LRIG3: variants seen among roughly 807,000 people sequenced by gnomAD.
The protein encoded by LRIG3 is leucine rich repeats and immunoglobulin like domains 3.
In LRIG3, 76 loss-of-function variants were observed where a neutral mutation model predicts 114.5. The observed-to-expected ratio is 0.66, with a 90% CI of 0.55 to 0.80. The LOEUF is 0.80. LRIG3 is among the 30% of genes least tolerant of loss of function. The pLI, the probability that LRIG3 is intolerant of heterozygous loss-of-function variation, is 0.00. For synonymous variants in LRIG3, 512 were observed against 519.8 expected, an observed-to-expected ratio of 0.98 and a Z score of 0.20; for missense variants, 1,239 against 1,382.8, an observed-to-expected ratio of 0.90 and a Z score of 1.65.
At chr12:58,902,802 G>C (rs1158460952) in intron 3 of LRIG3, among the ~76,000 whole-genome samples, 1 of 141,070 alleles carries the variant, frequency 7.1e-6, no homozygotes, top group Admixed American at 8.0e-5. Flanking sequence ...TCCCATCTAT[G>C]AGTGAGAACA....
chr12:58,876,262 T>G (rs1187260464), intron 16 of LRIG3, among the ~76,000 whole-genome samples, 183 bp downstream of exon 16: 1 of 152,160 alleles, frequency 6.6e-6, no homozygotes, highest in East Asian at 1.9e-4. Context: ...AAACAAAGAT[T>G]TATTTCTTTC....
At chr12:58,899,559 T>C (rs1264920224) in intron 3 of LRIG3, among the ~76,000 whole-genome samples, 1 of 152,206 alleles carries the variant, frequency 6.6e-6, no homozygotes, top group Non-Finnish European at 1.5e-5. Flanking sequence ...TTTTTCATCA[T>C]GTTTTTCTGA....
chr12:58,902,527 A>G (rs1259074475), intron 3 of LRIG3, among the ~76,000 whole-genome samples: 2 of 152,158 alleles, frequency 1.3e-5, no homozygotes, highest in East Asian at 1.9e-4. Context: ...TTTAAGTATT[A>G]GAAAGCAGGT....
intron 10 of LRIG3, among the ~76,000 whole-genome samples, chr12:58,884,986 T>C (rs1294005744): frequency 6.6e-6 from 1 of 152,176 alleles, no homozygotes; most frequent in East Asian, 1.9e-4. Flanking sequence ...TTGATTCCTA[T>C]CAATGTTAGC....
At chr12:58,876,646 T>A (rs1870928948) in intron 15 of LRIG3, 43 bp from the exon 16 acceptor site, 2 of 1,607,334 alleles carry the variant, frequency 1.2e-6, no homozygotes, top group East Asian at 4.5e-5. Context: ...GGATGATCGT[T>A]AATTGTCCCA....
chr12:58,914,998 A>G (rs1381872797), intron 1 of LRIG3, among the ~76,000 whole-genome samples: 2 of 152,234 alleles, frequency 1.3e-5, no homozygotes, highest in South Asian at 2.1e-4. Flanking sequence ...ACAGATTTCA[A>G]TCATTAAAAT....
chr12:58,911,982 G>T (rs1872294442), intron 3 of LRIG3, among the ~76,000 whole-genome samples: 1 of 152,142 alleles, frequency 6.6e-6, no homozygotes, highest in South Asian at 2.1e-4. Context: ...CACATTGGAT[G>T]TATCATTATG....
At chr12:58,908,345 T>C (rs1872145903) in intron 3 of LRIG3, among the ~76,000 whole-genome samples, 1 of 152,214 alleles carries the variant, frequency 6.6e-6, no homozygotes. Context: ...TTTGTCACTG[T>C]TGTGCATTTT....
intron 18 of LRIG3, among the ~76,000 whole-genome samples, chr12:58,873,057 A>G (rs1473993399): frequency 6.6e-6 from 1 of 152,206 alleles, no homozygotes; most frequent in Non-Finnish European, 1.5e-5. Flanking sequence ...TCTATTCTTT[A>G]TCATTTCTCA....
rs111392111 is a variant in LRIG3, at chr12:58,913,554, A to G, written c.383+428T>C. ...ACCACACTTAAAACAGGATACTCCA[A>G]TGGCTTATTCTCAACTCCGGTTTCT... is the stretch of plus-strand genomic sequence containing the variant. On this transcript the variant is annotated intron_variant, in intron 3 of 18. Coordinates refer to ENST00000320743, the MANE Select transcript of LRIG3 (RefSeq NM_153377.5). The G allele has an allele frequency of 6.0e-3, 936 of 154,784 alleles. 9 individuals are homozygous for G. The highest frequency in any genetic ancestry group is 0.019 in the African/African-American group (786 of 41,604). The allele number at this position is 154,784 out of a possible 1,614,324, so 9.6% of individuals were successfully genotyped here. A position where few individuals can be genotyped will look rare whatever the true frequency, so the allele number is the denominator to read the frequency against.
intron 3 of LRIG3, among the ~76,000 whole-genome samples, chr12:58,906,861 A>G (rs1872086178): frequency 1.3e-5 from 2 of 152,136 alleles, no homozygotes; most frequent in African/African-American, 4.8e-5. Context: ...AATGACTTTA[A>G]TGAATGAAAA....
At chr12:58,918,203 T>C (rs1355092745) in intron 1 of LRIG3, among the ~76,000 whole-genome samples, 1 of 152,234 alleles carries the variant, frequency 6.6e-6, no homozygotes. Flanking sequence ...GAATGTGGGC[T>C]AGTATTGAGA....
intron 3 of LRIG3, among the ~76,000 whole-genome samples, chr12:58,895,438 C>T (rs990271619): frequency 5.9e-5 from 9 of 152,032 alleles, no homozygotes; most frequent in African/African-American, 1.4e-4. Flanking sequence ...TGCTCTAAGC[C>T]GAGGCAAAGA....
chr12:58,888,274 C>G, intron 7 of LRIG3, 55 bp downstream of exon 7: 1 of 1,577,200 alleles, frequency 6.3e-7, no homozygotes, highest in Non-Finnish European at 8.7e-7. Context: ...GAAGCTCATG[C>G]CCTGGCATGA....
rs1870831315 is a variant in LRIG3, at chr12:58,874,191, A to G, written c.2979T>C (p.His993=). ...RSFSNISWPS[H]VRKLLNTSYS... ...AACTAGTGTTAAGTAGCTTCCTCACATGTGAAGGCCACGATATATTACTGA... is the reference window on the plus strand; with the variant it reads ...AACTAGTGTTAAGTAGCTTCCTCACGTGTGAAGGCCACGATATATTACTGA... Residue 993 remains histidine, a synonymous_variant, in exon 18 of 19, where the codon CAT becomes CAC. Transcript: ENST00000320743. 1.2e-6 allele frequency: 2 copies of G among 1,614,210 alleles called. No individual in the cohort carries two copies. Among genetic ancestry groups the G allele is most frequent in the Admixed American group, 1.7e-5 (1 of 60,018 alleles).
chr12:58,878,888 T>C lies in LRIG3; in HGVS notation c.2019A>G (p.Val673=). The part of the protein sequence containing the change: ...IVDVKIEDIG[V]YSCTAQNSAG... ...CACTGTTCTGAGCTGTGCAGCTGTA[T>C]ACCCCAATGTCCTCTATCTTCACAT... Residue 673 remains valine (V), a synonymous_variant, in exon 14 of 19, where the codon GTA becomes GTG. Coordinates refer to ENST00000320743, the MANE Select transcript of LRIG3 (RefSeq NM_153377.5). 3 of 1,614,224 alleles carry C rather than the reference T, an allele frequency of 1.9e-6. No individual in the cohort carries two copies. Among genetic ancestry groups the C allele is most frequent in the Non-Finnish European group, 2.5e-6 (3 of 1,180,034 alleles).
chr12:58,873,842 G>C, intron 18 of LRIG3: 1 of 605,930 alleles, frequency 1.7e-6, no homozygotes, highest in Non-Finnish European at 2.9e-6. Context: ...GAAAGCTCCT[G>C]AGGCTTAGTT....
At chr12:58,879,968 C>T (rs909213487) in intron 13 of LRIG3, among the ~76,000 whole-genome samples, 10 of 152,124 alleles carry the variant, frequency 6.6e-5, no homozygotes, top group African/African-American at 2.4e-4. Context: ...TGCAGCCTTC[C>T]AGATCAGTAT....
intron 3 of LRIG3, among the ~76,000 whole-genome samples, chr12:58,908,351 A>C (rs969133769): frequency 8.5e-5 from 13 of 152,166 alleles, no homozygotes; most frequent in African/African-American, 2.9e-4. Context: ...ACTGTTGTGC[A>C]TTTTAAATTT....
Sources: allele counts gnomAD v4.1 joint callset (sites outside exome capture counted in the v4.1 genomes callset), GRCh38; gene constraint gnomAD v4.1.1; transcripts MANE v1.5; gene names NCBI Gene and HGNC (gene_info 2026-07-23, HGNC 2026-07-21).